Variants in NEIL2 observed in about 807,000 individuals in gnomAD.
The protein encoded by NEIL2 is nei like DNA glycosylase 2.
In NEIL2, 23 loss-of-function variants were observed where a neutral mutation model predicts 22.2. That is an observed-to-expected ratio of 1.04 (90% CI 0.75 to 1.47). NEIL2 has a LOEUF of 1.47. Among genes scored for constraint, NEIL2 ranks in the 40% most tolerant of loss-of-function variants. The pLI, the probability that NEIL2 is intolerant of heterozygous loss-of-function variation, is 0.00. For synonymous variants in NEIL2, 229 were observed against 164.8 expected, an observed-to-expected ratio of 1.39 and a Z score of -2.99; for missense variants, 583 against 404.7, an observed-to-expected ratio of 1.44 and a Z score of -3.78.
chr8:11,773,082 C>T (rs943384642), intron 2 of NEIL2, among the ~76,000 whole-genome samples: 10 of 152,172 alleles, frequency 6.6e-5, no homozygotes, highest in Non-Finnish European at 1.5e-5. Flanking sequence ...CAGGTGAGAG[C>T]ACGGGGTCCC....
At chr8:11,778,408 T>C (rs1344240740) in intron 2 of NEIL2, among the ~76,000 whole-genome samples, 1 of 151,956 alleles carries the variant, frequency 6.6e-6, no homozygotes, top group Admixed American at 6.6e-5. Flanking sequence ...AAGGTAATGC[T>C]CTTTTGGGTG....
Position 11,786,303 on chromosome 8 carries a change from G to A in NEIL2, c.*30G>A. 6.3e-7 allele frequency: 1 copy of A among 1,587,750 alleles called. No individual in the cohort carries two copies. Among genetic ancestry groups the A allele is most frequent in the Non-Finnish European group, 8.5e-7 (1 of 1,169,814 alleles). On this transcript the variant is annotated 3_prime_UTR_variant, in exon 5 of 5. Coordinates refer to ENST00000284503, the MANE Select transcript of NEIL2 (RefSeq NM_145043.4). The stretch of plus-strand genomic sequence containing the variant: ...CTGGTGGTGCTCCTCACGGAACCTT[G>A]CCGCTTGGGGAACCTGACGTCTAAG...
chr8:11,779,122 T>C (rs527342948), intron 2 of NEIL2, among the ~76,000 whole-genome samples: 1 of 152,278 alleles, frequency 6.6e-6, no homozygotes, highest in Admixed American at 6.5e-5. Flanking sequence ...TTTTATTGAT[T>C]ACAGTTTCCT....
intron 2 of NEIL2, among the ~76,000 whole-genome samples, chr8:11,772,096 G>T (rs139144799): frequency 6.6e-6 from 1 of 152,106 alleles, no homozygotes; most frequent in East Asian, 1.9e-4. Context: ...CCAGCTGCTC[G>T]GGAAGCTGAG....
chr8:11,786,510 G>C lies in NEIL2; in HGVS notation c.*237G>C. On this transcript the variant is annotated 3_prime_UTR_variant, in exon 5 of 5. Coordinates refer to ENST00000284503, the MANE Select transcript of NEIL2 (RefSeq NM_145043.4). ...CCTGTTGAATTGCACCATCGTGAAA[G>C]ATGGGAAAAATCGTGATGATGGGTA... The C allele has an allele frequency of 1.8e-6, 1 of 568,376 alleles. No homozygotes were observed. The highest frequency in any genetic ancestry group is 3.1e-6 in the Non-Finnish European group (1 of 317,904). 35.2% of individuals were successfully genotyped at this position (568,376 alleles called of 1,614,324 possible). A position where few individuals can be genotyped will look rare whatever the true frequency, so the allele number is the denominator to read the frequency against.
intron 4 of NEIL2, 145 bp from the exon 5 acceptor site, chr8:11,785,818 C>A: frequency 1.3e-6 from 1 of 778,518 alleles, no homozygotes; most frequent in Admixed American, 1.8e-5. Context: ...ATTTTACAGA[C>A]AGAGAAATGG....
chr8:11,779,946 C>A lies in NEIL2; in HGVS notation c.487C>A (p.Pro163Thr), dbSNP rs758528617. 1 of 1,613,256 alleles carries A rather than the reference C, an allele frequency of 6.2e-7. No homozygotes were observed. ...GAGGGGGGACTGGAGGGACCCTTCCCCGAGGTAATGGTGTGGCCATCTGAT... is the reference window on the plus strand; with the variant it reads ...GAGGGGGGACTGGAGGGACCCTTCCACGAGGTAATGGTGTGGCCATCTGAT... The part of the protein sequence containing the change: ...NKRGDWRDPS[P>T]RLVLHFGGGG... The change falls in exon 3 of 5, where the codon CCG becomes ACG. Residue 163 changes from proline (P) to threonine (T), a missense_variant. Transcript: ENST00000284503.
Position 11,785,929 on chromosome 8 carries a change from T to G in NEIL2, c.689-34T>G, listed in dbSNP as rs559105054. 2.0e-4 allele frequency: 321 copies of G among 1,602,504 alleles called. 3 individuals carry two copies. The South Asian group carries it at 3.4e-3, about 17-fold the overall frequency. On this transcript the variant is annotated intron_variant, in intron 4 of 4. Transcript: ENST00000284503. ...TGGTTTCATCATGCCATGTGTCCTT[T>G]GTCCTTCCCTTACCTTCCCCCGCTT...
At position 11,786,772 on chromosome 8, in the gene NEIL2, G is replaced by T; in HGVS notation, c.*499G>T. ...TTCATCTCAGCCTCCAGAGTAGCTGGGACTACAGGCATGTGATATGATGCT... is the reference window on the plus strand; with the variant it reads ...TTCATCTCAGCCTCCAGAGTAGCTGTGACTACAGGCATGTGATATGATGCT... On this transcript the variant is annotated 3_prime_UTR_variant, in exon 5 of 5. Coordinates refer to ENST00000284503, the MANE Select transcript of NEIL2 (RefSeq NM_145043.4). The T allele has an allele frequency of 5.5e-6, 1 of 182,580 alleles. No individual in the cohort carries two copies. The highest frequency in any genetic ancestry group is 1.2e-5 in the Non-Finnish European group (1 of 86,898). The allele number at this position is 182,580 out of a possible 1,614,324, so 11.3% of individuals were successfully genotyped here. A position where few individuals can be genotyped will look rare whatever the true frequency, so the allele number is the denominator to read the frequency against.
intron 1 of NEIL2, 97 bp from the exon 2 acceptor site, chr8:11,771,349 G>A: frequency 1.3e-6 from 2 of 1,510,650 alleles, no homozygotes; most frequent in Non-Finnish European, 1.8e-6. Flanking sequence ...TTAGTTGGCA[G>A]CAAAAATGGC....
At position 11,785,988 on chromosome 8, in the gene NEIL2, G is replaced by T. The variant is rs778136656; in HGVS notation, c.714G>T (p.Leu238Phe). The T allele has an allele frequency of 6.2e-7, 1 of 1,614,084 alleles. No homozygotes were observed. Among genetic ancestry groups the T allele is most frequent in the Admixed American group, 1.7e-5 (1 of 60,020 alleles). Residue 238 changes from leucine (L) to phenylalanine (F), a missense_variant, in exon 5 of 5, where the codon TTG becomes TTT. Leu to Phe is a conservative substitution (Grantham distance 22). Coordinates refer to ENST00000284503, the MANE Select transcript of NEIL2 (RefSeq NM_145043.4). ...GGAACATCATTAAGAATGAAGCCTT[G>T]TACAGAGCTGGGATCCATCCCCTTT... ...GLGNIIKNEA[L>F]YRAGIHPLSL...
At chr8:11,785,147 C>T (rs1804786443) in intron 4 of NEIL2, among the ~76,000 whole-genome samples, 1 of 152,112 alleles carries the variant, frequency 6.6e-6, no homozygotes, top group Non-Finnish European at 1.5e-5. Flanking sequence ...GCTGGGATTA[C>T]AGGCGTGTGC....
chr8:11,785,217 A>G (rs1337869826), intron 4 of NEIL2, among the ~76,000 whole-genome samples: 1 of 151,556 alleles, frequency 6.6e-6, no homozygotes, highest in African/African-American at 2.4e-5. Flanking sequence ...TTTTTTTGAG[A>G]CAGGGTCTTG....
chr8:11,776,741 G>A (rs777969775), intron 2 of NEIL2, among the ~76,000 whole-genome samples: 1 of 152,240 alleles, frequency 6.6e-6, no homozygotes, highest in East Asian at 1.9e-4. Context: ...CTGGGGTCAC[G>A]ATGGGTAGGT....
In NEIL2 at chr8:11,779,922, A is replaced by T. The variant is rs776403811; in HGVS notation, c.463A>T (p.Arg155Trp). Residue 155 changes from arginine to tryptophan, a missense_variant, in exon 3 of 5, where the codon AGG (arginine) becomes TGG (tryptophan). Physicochemically the swap from Arg to Trp is moderately radical, Grantham distance 101. Coordinates refer to ENST00000284503, the MANE Select transcript of NEIL2 (RefSeq NM_145043.4). ...CTCCAGAGCCAAGAAAGCCAACAAG[A>T]GGGGGGACTGGAGGGACCCTTCCCC... ...DFSRAKKANK[R>W]GDWRDPSPRL... is the part of the protein sequence containing the mutation. 5 of 1,614,066 alleles carry T rather than the reference A, an allele frequency of 3.1e-6. No individual in the cohort carries two copies. The highest frequency in any genetic ancestry group is 3.4e-6 in the Non-Finnish European group (4 of 1,179,982).
intron 2 of NEIL2, among the ~76,000 whole-genome samples, chr8:11,778,309 T>TTTTTTTTTTTG (rs1804084495): frequency 8.3e-6 from 1 of 119,800 alleles, no homozygotes. Flanking sequence ...TTTTTTTTTT[T>TTTTTTTTTTTG]TATGTAGGTC....
At chr8:11,776,917 A>G (rs1284045267) in intron 2 of NEIL2, among the ~76,000 whole-genome samples, 1 of 152,030 alleles carries the variant, frequency 6.6e-6, no homozygotes, top group South Asian at 2.1e-4. Flanking sequence ...TTTGGTTCCT[A>G]TAGCGGGTTT....
In NEIL2 at chr8:11,786,225, G is replaced by A. The variant is rs761141720; in HGVS notation, c.951G>A (p.Gln317=). The change falls in exon 5 of 5, where the codon CAG becomes CAA. Residue 317 remains glutamine, a synonymous_variant. Coordinates refer to ENST00000284503, the MANE Select transcript of NEIL2 (RefSeq NM_145043.4). The part of the protein sequence containing the change: ...GLQRLTWWCP[Q]CQPQLSEEPE... Reference sequence around the variant, plus strand: ...AGAGGCTCACCTGGTGGTGCCCGCAGTGCCAGCCCCAGTTGTCAGAGGAGC... The same window carrying A: ...AGAGGCTCACCTGGTGGTGCCCGCAATGCCAGCCCCAGTTGTCAGAGGAGC... 19 of 1,613,020 alleles carry A rather than the reference G, an allele frequency of 1.2e-5. No homozygotes were observed. The highest frequency in any genetic ancestry group is 5.0e-5 in the Admixed American group (3 of 60,002).
chr8:11,772,634 G>C (rs1404963922), intron 2 of NEIL2, among the ~76,000 whole-genome samples: 2 of 152,188 alleles, frequency 1.3e-5, no homozygotes, highest in African/African-American at 4.8e-5. Context: ...GGAGAGGACA[G>C]ATGCAGAGGG....
Sources: allele counts gnomAD v4.1 joint callset (sites outside exome capture counted in the v4.1 genomes callset), GRCh38; gene constraint gnomAD v4.1.1; transcripts MANE v1.5; gene names NCBI Gene and HGNC (gene_info 2026-07-23, HGNC 2026-07-21).